Variants in CPQ observed in about 807,000 individuals in gnomAD.
CPQ encodes the protein carboxypeptidase Q, also known as Ser-Met dipeptidase.
In CPQ, 37 loss-of-function variants were observed where a neutral mutation model predicts 45.7. That is an observed-to-expected ratio of 0.81 (90% CI 0.62 to 1.07). The LOEUF (loss-of-function observed/expected upper bound fraction) is 1.07. Ranked by LOEUF, CPQ falls within the 50% of genes least tolerant of loss-of-function variation. The pLI, the probability that CPQ is intolerant of heterozygous loss-of-function variation, is 0.00. For missense variants in CPQ, 537 were observed against 572.9 expected, an observed-to-expected ratio of 0.94 and a Z score of 0.64; for synonymous variants, 186 against 205.8, an observed-to-expected ratio of 0.90 and a Z score of 0.82.
At chr8:96,863,194 G>A (rs1016716009) in intron 3 of CPQ, among the ~76,000 whole-genome samples, 3 of 152,034 alleles carry the variant, frequency 2.0e-5, no homozygotes, top group Non-Finnish European at 2.9e-5. Context: ...AGCCATTATA[G>A]GAATATAAGG....
At position 96,962,124 on chromosome 8, in the gene CPQ, G is replaced by A. The variant is rs546608933; in HGVS notation, c.850-3811G>A. Among the ~76,000 whole-genome samples, 24 of 152,178 alleles carry A rather than the reference G, an allele frequency of 1.6e-4. No homozygotes were observed. In the South Asian group the frequency reaches 3.1e-3, roughly 20 times the overall value. ...GCTTTCATCCAGTGCATTTCTGTTC[G>A]ACTGCGGTGTATTCTTCCCCTATTC... On this transcript the variant is annotated intron_variant, in intron 4 of 7. Coordinates refer to ENST00000220763, the MANE Select transcript of CPQ (RefSeq NM_016134.4).
chr8:96,915,377 T>C (rs1812718430), intron 4 of CPQ, among the ~76,000 whole-genome samples: 1 of 152,166 alleles, frequency 6.6e-6, no homozygotes, highest in African/African-American at 2.4e-5. Flanking sequence ...GAAACATGCC[T>C]AAGGCTGAAC....
At chr8:96,759,497 G>T (rs1423433661) in intron 1 of CPQ, among the ~76,000 whole-genome samples, 1 of 151,960 alleles carries the variant, frequency 6.6e-6, no homozygotes, top group Non-Finnish European at 1.5e-5. Flanking sequence ...TGAACTTAAG[G>T]ACCTTATGAT....
At chr8:96,961,367 T>C (rs1813458899) in intron 4 of CPQ, among the ~76,000 whole-genome samples, 1 of 152,214 alleles carries the variant, frequency 6.6e-6, no homozygotes, top group South Asian at 2.1e-4. Context: ...TGCCTCTTTA[T>C]GTGTTTTGCC....
chr8:97,120,994 T>C (rs1283354490), intron 7 of CPQ, among the ~76,000 whole-genome samples: 1 of 152,222 alleles, frequency 6.6e-6, no homozygotes, highest in Non-Finnish European at 1.5e-5. Context: ...TTCATTTCTG[T>C]ATTACAGATG....
At chr8:96,847,346 A>G (rs1251890526) in intron 3 of CPQ, among the ~76,000 whole-genome samples, 2 of 152,100 alleles carry the variant, frequency 1.3e-5, no homozygotes, top group African/African-American at 2.4e-5. Flanking sequence ...TTCTATTACA[A>G]TTATTTGCTG....
At chr8:96,731,640 A>G (rs749143130) in intron 1 of CPQ, among the ~76,000 whole-genome samples, 43 of 152,150 alleles carry the variant, frequency 2.8e-4, no homozygotes, top group Non-Finnish European at 5.3e-4. Context: ...CTGTTAATCA[A>G]TGGGGAGGGA....
chr8:96,861,677 T>G (rs1811927696), intron 3 of CPQ, among the ~76,000 whole-genome samples: 1 of 152,126 alleles, frequency 6.6e-6, no homozygotes, highest in Admixed American at 6.6e-5. Context: ...AAATCCATAT[T>G]TATTTATTAA....
chr8:97,111,815 C>T (rs985604569), intron 7 of CPQ, among the ~76,000 whole-genome samples: 1 of 152,194 alleles, frequency 6.6e-6, no homozygotes, highest in African/African-American at 2.4e-5. Context: ...CAAGAGGAGT[C>T]TAAAAACCCT....
At chr8:96,656,242 C>T (rs1348758818) in intron 1 of CPQ, among the ~76,000 whole-genome samples, 1 of 152,138 alleles carries the variant, frequency 6.6e-6, no homozygotes, top group African/African-American at 2.4e-5. Context: ...CTAGTTGGGT[C>T]AGGTGGTAAT....
intron 7 of CPQ, among the ~76,000 whole-genome samples, chr8:97,134,704 T>C (rs904464987): frequency 6.6e-6 from 1 of 152,128 alleles, no homozygotes; most frequent in African/African-American, 2.4e-5. Context: ...GTGAAGAAGG[T>C]ACAGAGCATG....
intron 1 of CPQ, among the ~76,000 whole-genome samples, chr8:96,697,337 A>C (rs1809398373): frequency 6.6e-6 from 1 of 152,218 alleles, no homozygotes; most frequent in African/African-American, 2.4e-5. Flanking sequence ...TCATGATAAA[A>C]ACTCTGAAAA....
At chr8:96,847,244 T>G (rs1811707107) in intron 3 of CPQ, among the ~76,000 whole-genome samples, 1 of 152,162 alleles carries the variant, frequency 6.6e-6, no homozygotes, top group African/African-American at 2.4e-5. Context: ...TTTAACAAAA[T>G]TTCACCCAGT....
chr8:96,816,258 A>C (rs1471094178), intron 2 of CPQ, among the ~76,000 whole-genome samples: 3 of 152,172 alleles, frequency 2.0e-5, no homozygotes, highest in African/African-American at 7.2e-5. Flanking sequence ...CACCTTCACC[A>C]GGAGTAGATT....
chr8:96,735,724 A>G (rs1008533059), intron 1 of CPQ, among the ~76,000 whole-genome samples: 1 of 152,162 alleles, frequency 6.6e-6, no homozygotes, highest in Non-Finnish European at 1.5e-5. Context: ...CCATCTGCAG[A>G]CAGGCCTTTA....
intron 1 of CPQ, among the ~76,000 whole-genome samples, chr8:96,673,401 A>AC (rs1445789088): frequency 2.6e-5 from 4 of 152,140 alleles, no homozygotes; most frequent in African/African-American, 9.7e-5. Context: ...ATGATCAGTC[A>AC]GAGACTGAAG....
At chr8:97,045,253 C>CAA (rs200448398) in intron 6 of CPQ, among the ~76,000 whole-genome samples, 2,897 of 152,302 alleles carry the variant, frequency 0.019, 95 homozygotes, top group African/African-American at 0.067. Flanking sequence ...GCTGTGCTAG[C>CAA]AATCAGTGAG....
Position 97,123,568 on chromosome 8 carries a change from A to T in CPQ, c.1256-19452A>T, listed in dbSNP as rs544823268. On this transcript the variant is annotated intron_variant, in intron 7 of 7. Coordinates refer to ENST00000220763, the MANE Select transcript of CPQ (RefSeq NM_016134.4). Reference sequence around the variant, plus strand: ...AAAAGATGAGATGGAATTTGAAAAGAAAAACCTCATATGAAATGAAAGGAA... The same window carrying T: ...AAAAGATGAGATGGAATTTGAAAAGTAAAACCTCATATGAAATGAAAGGAA... 3.9e-5 allele frequency among the ~76,000 whole-genome samples: 6 copies of T among 152,092 alleles called. No homozygotes were observed. In the East Asian group the frequency reaches 1.2e-3, roughly 29 times the overall value.
rs541023433 is a variant in CPQ at position 96,881,629 on chromosome 8, C to T, written c.849+1624C>T. On this transcript the variant is annotated intron_variant, in intron 4 of 7. Coordinates refer to ENST00000220763, the MANE Select transcript of CPQ (RefSeq NM_016134.4). ...AGGAAACTCAATTACCCAAGGTCCA[C>T]ACAGCTAAGTAGGCAGCTAAGAAGG... Among the ~76,000 whole-genome samples, 11 of 152,310 alleles carry T rather than the reference C, an allele frequency of 7.2e-5. No individual in the cohort carries two copies. In the South Asian group the frequency reaches 2.3e-3, roughly 32 times the overall value.
Sources: allele counts gnomAD v4.1 joint callset (sites outside exome capture counted in the v4.1 genomes callset), GRCh38; gene constraint gnomAD v4.1.1; transcripts MANE v1.5; gene names NCBI Gene and HGNC (gene_info 2026-07-23, HGNC 2026-07-21).